The following STK32B variants were observed in gnomAD, a reference collection of about 807,000 sequenced individuals.
STK32B encodes the protein serine/threonine-protein kinase 32B.
A neutral mutation model predicts 52.6 loss-of-function variants in STK32B; 43 were observed. That is an observed-to-expected ratio of 0.82 (90% CI 0.64 to 1.05). STK32B has a LOEUF of 1.05. STK32B is among the 50% of genes least tolerant of loss of function. The probability of loss-of-function intolerance (pLI) is 0.00; values close to 1 mark genes in which losing one functional copy is unlikely to be tolerated. For synonymous variants in STK32B, 238 were observed against 204.3 expected (o/e 1.17, Z -1.41); for missense variants, 621 against 534.6 (o/e 1.16, Z -1.59).
Position 5,456,940 on chromosome 4 carries a change from C to T in STK32B, c.783+17C>T, listed in dbSNP as rs1339422102. On this transcript the variant is annotated intron_variant, in intron 8 of 11. Coordinates refer to ENST00000282908, the MANE Select transcript of STK32B (RefSeq NM_018401.3). ...CTGAGGAAGGTAAGGGGGCAGCTTC[C>T]AGCCTGCCCCGCCAGGGAGCTACGG... 7.4e-6 allele frequency: 11 copies of T among 1,495,510 alleles called. No homozygotes were observed. Among genetic ancestry groups the T allele is most frequent in the African/African-American group, 1.4e-5 (1 of 71,700 alleles). 92.6% of individuals were successfully genotyped at this position (1,495,510 alleles called of 1,614,324 possible). A position where few individuals can be genotyped will look rare whatever the true frequency, so the allele number is the denominator to read the frequency against.
intron 3 of STK32B, among the ~76,000 whole-genome samples, chr4:5,272,049 G>A (rs1447631438): frequency 6.8e-6 from 1 of 148,040 alleles, no homozygotes; most frequent in Admixed American, 6.6e-5. Flanking sequence ...ATGTTGAATA[G>A]GAGTGGTGAG....
intron 9 of STK32B, among the ~76,000 whole-genome samples, chr4:5,465,324 A>G (rs1272960679): frequency 1.3e-5 from 2 of 152,094 alleles, no homozygotes; most frequent in Non-Finnish European, 2.9e-5. Context: ...ACTGAGGCCC[A>G]TAGAGGTTTA....
At chr4:5,375,115 C>G (rs1560363597) in intron 4 of STK32B, among the ~76,000 whole-genome samples, 1 of 152,196 alleles carries the variant, frequency 6.6e-6, no homozygotes, top group Admixed American at 6.5e-5. Context: ...GTCTCACCAT[C>G]TGGCTTCTGA....
At chr4:5,289,474 G>A (rs975500485) in intron 3 of STK32B, among the ~76,000 whole-genome samples, 3 of 151,876 alleles carry the variant, frequency 2.0e-5, no homozygotes, top group African/African-American at 4.8e-5. Context: ...ACGGAGTCTC[G>A]CTGTCTCCCA....
chr4:5,224,829 TTAA>T (rs1159770041), intron 3 of STK32B, among the ~76,000 whole-genome samples: 1 of 152,050 alleles, frequency 6.6e-6, no homozygotes, highest in Admixed American at 6.6e-5. Flanking sequence ...ATATGATTAA[TTAA>T]TAATACTTAT....
intron 3 of STK32B, among the ~76,000 whole-genome samples, chr4:5,240,184 T>C (rs1273695923): frequency 6.6e-6 from 1 of 152,146 alleles, no homozygotes; most frequent in Non-Finnish European, 1.5e-5. Flanking sequence ...TCATGGAATT[T>C]TTTTACTCAT....
At chr4:5,483,733 G>A (rs376373595) in intron 11 of STK32B, among the ~76,000 whole-genome samples, 3 of 151,934 alleles carry the variant, frequency 2.0e-5, no homozygotes, top group Non-Finnish European at 4.4e-5. Context: ...TTAGTGCTAT[G>A]AACTTCCCTC....
intron 3 of STK32B, among the ~76,000 whole-genome samples, chr4:5,254,217 T>C (rs1224353562): frequency 3.3e-5 from 5 of 152,248 alleles, no homozygotes; most frequent in Admixed American, 3.3e-4. Flanking sequence ...ATTATATTTT[T>C]AATGTCTGTA....
rs1171958708 is a variant in STK32B at position 5,400,213 on chromosome 4, A to G, written c.472+1969A>G. On this transcript the variant is annotated intron_variant, in intron 5 of 11. Transcript: ENST00000282908. This position sits in a 1 kb window ranked among gnomAD's most constrained non-coding sequence, Gnocchi z 6.1. ...CACAGCTCCCCTGAAGCTGCTGCAC[A>G]AAAGATATAGGCAGGCGGGCTGCTC... 1.3e-5 allele frequency among the ~76,000 whole-genome samples: 2 copies of G among 152,332 alleles called. No individual in the cohort carries two copies. Among genetic ancestry groups the G allele is most frequent in the East Asian group, 3.9e-4 (2 of 5,178 alleles).
At position 5,331,322 on chromosome 4, in the gene STK32B, G is replaced by A; in HGVS notation, c.363G>A (p.Gly121=). The change falls in exon 4 of 12, where the codon GGG becomes GGA. Residue 121 remains glycine, a synonymous_variant. Coordinates refer to ENST00000282908, the MANE Select transcript of STK32B (RefSeq NM_018401.3). ...AGCAGAATGTGCATTTCACAGAGGG[G>A]ACTGTGAAACTCTACATCTGTGAGC... ...HLQQNVHFTE[G]TVKLYICELA... is the part of the protein sequence containing the mutation. 5 of 1,613,972 alleles carry A rather than the reference G, an allele frequency of 3.1e-6. No individual in the cohort carries two copies. The highest frequency in any genetic ancestry group is 1.6e-4 in the Middle Eastern group (1 of 6,062).
chr4:5,403,125 C>G lies in STK32B; in HGVS notation c.472+4881C>G, dbSNP rs1228519396. Among the ~76,000 whole-genome samples, 5 of 152,196 alleles carry G rather than the reference C, an allele frequency of 3.3e-5. No homozygotes were observed. The East Asian group carries it at 7.7e-4, about 23-fold the overall frequency. ...AGCCTTGCTAAGCTGATGGACTGCC[C>G]TGCCCAGGGCTGGCCAATCCTAGGG... is the stretch of plus-strand genomic sequence containing the variant. On this transcript the variant is annotated intron_variant, in intron 5 of 11. Transcript: ENST00000282908.
At chr4:5,474,796 C>T (rs972713952) in intron 11 of STK32B, among the ~76,000 whole-genome samples, 1 of 152,144 alleles carries the variant, frequency 6.6e-6, no homozygotes, top group African/African-American at 2.4e-5. Context: ...TATTTTTATT[C>T]CCGTTTCACA....
intron 8 of STK32B, among the ~76,000 whole-genome samples, chr4:5,459,111 C>T (rs1032435631): frequency 6.6e-6 from 1 of 152,208 alleles, no homozygotes; most frequent in Non-Finnish European, 1.5e-5. Flanking sequence ...TGTTTTGGGA[C>T]AGCCCCTAAA....
intron 2 of STK32B, among the ~76,000 whole-genome samples, chr4:5,152,647 G>A (rs1717467180): frequency 6.6e-6 from 1 of 152,270 alleles, no homozygotes; most frequent in African/African-American, 2.4e-5. Context: ...CTAATGCGTG[G>A]ATACGCAGTT....
chr4:5,331,254 G>T lies in STK32B; in HGVS notation c.295G>T (p.Val99Leu). ...SFQDEEDMFM[V>L]VDLLLGGDLR... ...CCAGGATGAGGAGGACATGTTCATG[G>T]TGGTGGACCTGCTCCTGGGAGGCGA... The change falls in exon 4 of 12, where the codon GTG becomes TTG. Residue 99 changes from valine (V) to leucine (L), a missense_variant. Physicochemically the swap from Val to Leu is conservative, Grantham distance 32. Transcript: ENST00000282908. The T allele has an allele frequency of 1.9e-6, 3 of 1,613,816 alleles. No homozygotes were observed. Among genetic ancestry groups the T allele is most frequent in the Non-Finnish European group, 2.5e-6 (3 of 1,179,832 alleles).
intron 2 of STK32B, among the ~76,000 whole-genome samples, chr4:5,160,479 C>T (rs1718353843): frequency 6.6e-6 from 1 of 152,092 alleles, no homozygotes; most frequent in African/African-American, 2.4e-5. Flanking sequence ...CCTCCCCACA[C>T]CTCTGTCCTC....
chr4:5,211,479 AC>A (rs1274136767), intron 3 of STK32B, among the ~76,000 whole-genome samples: 3 of 151,360 alleles, frequency 2.0e-5, no homozygotes, highest in Non-Finnish European at 4.4e-5. Context: ...AGTTACTTCT[AC>A]AAGGAAAGAG....
rs531893695 is a variant in STK32B, at chr4:5,392,431, ATAATAAT to A, written c.435-5771_435-5765del. The stretch of plus-strand genomic sequence containing the variant: ...ACAAAGCGAGACTCCATCTCAAAAA[ATAATAAT>A]TAATTAATTTAAAAATCAAATCAGA... On this transcript the variant is annotated intron_variant, in intron 4 of 11. Coordinates refer to ENST00000282908, the MANE Select transcript of STK32B (RefSeq NM_018401.3). 3.8e-4 allele frequency among the ~76,000 whole-genome samples: 58 copies of A among 152,314 alleles called. No homozygotes were observed. The East Asian group carries it at 6.5e-3, about 17-fold the overall frequency.
chr4:5,141,412 A>G (rs1377542508), intron 2 of STK32B, among the ~76,000 whole-genome samples: 1 of 152,154 alleles, frequency 6.6e-6, no homozygotes, highest in Admixed American at 6.5e-5. Context: ...CTTCCAGGCA[A>G]TGGGAGTGGT....
Sources: allele counts gnomAD v4.1 joint callset (sites outside exome capture counted in the v4.1 genomes callset), GRCh38; gene constraint gnomAD v4.1.1; non-coding constraint Gnocchi (gnomAD v3.1); transcripts MANE v1.5; gene names NCBI Gene and HGNC (gene_info 2026-07-23, HGNC 2026-07-21).